The following HEXB variants were observed in gnomAD, a reference collection of about 807,000 sequenced individuals.
HEXB encodes the protein hexosaminidase subunit beta.
HEXB carries 51 observed loss-of-function variants against 71.2 expected under a neutral mutation model. The observed-to-expected ratio is 0.72, with a 90% CI of 0.57 to 0.90. The LOEUF is 0.90. Ranked by LOEUF, HEXB falls within the 40% of genes least tolerant of loss-of-function variation. The probability of loss-of-function intolerance (pLI) is 0.00; values close to 1 mark genes in which losing one functional copy is unlikely to be tolerated. For missense variants in HEXB, 617 were observed against 677.0 expected, an observed-to-expected ratio of 0.91 and a Z score of 0.98; for synonymous variants, 266 against 249.3, an observed-to-expected ratio of 1.07 and a Z score of -0.63.
rs572027351 is a variant in HEXB at position 74,702,063 on chromosome 5, T to G, written c.670-3156T>G. Among the ~76,000 whole-genome samples, 554 of 138,880 alleles carry G rather than the reference T, an allele frequency of 4.0e-3. 10 individuals carry two copies. The highest frequency in any genetic ancestry group is 0.014 in the African/African-American group (527 of 37,678). The allele number at this position is 138,880 out of a possible 152,430, so 91.1% of individuals were successfully genotyped here. The stretch of plus-strand genomic sequence containing the variant: ...TTAATCTGCAACTGACTATCTTTCC[T>G]TGTCTTTTTTTTTTTTTTTTTTTTT... On this transcript the variant is annotated intron_variant, in intron 5 of 13. Transcript: ENST00000261416.
intron 1 of HEXB, among the ~76,000 whole-genome samples, chr5:74,643,511 C>T (rs932175714): frequency 3.3e-5 from 5 of 152,182 alleles, no homozygotes; most frequent in Admixed American, 2.0e-4. Context: ...GTCCTGTAGG[C>T]CCTTGGGAGC....
chr5:74,677,487 CTTCTTTTTTTTT>C (rs1748653940), intron 1 of HEXB, among the ~76,000 whole-genome samples: 1 of 129,972 alleles, frequency 7.7e-6, no homozygotes, highest in Non-Finnish European at 1.6e-5. Context: ...TTTTCTTCTT[CTTCTTTTTTTTT>C]TTTTTTTTTT....
At chr5:74,682,531 C>G (rs968117680), upstream of HEXB, among the ~76,000 whole-genome samples, 5 of 152,214 alleles carry the variant, frequency 3.3e-5, no homozygotes, top group African/African-American at 1.2e-4. Context: ...TATTATTTAT[C>G]TGTTGTTGTT....
chr5:74,680,139 G>A (rs1322457953), intron 1 of HEXB, among the ~76,000 whole-genome samples: 1 of 152,166 alleles, frequency 6.6e-6, no homozygotes, highest in Non-Finnish European at 1.5e-5. Context: ...TGAACTGAAA[G>A]GGATACTATC....
At chr5:74,718,428 G>A (rs1035843401) in intron 10 of HEXB, 65 bp downstream of exon 10, 22 of 1,230,138 alleles carry the variant, frequency 1.8e-5, no homozygotes, top group Non-Finnish European at 2.5e-5. Context: ...TGGGGCAACT[G>A]GGAATTTGCA....
intron 5 of HEXB, among the ~76,000 whole-genome samples, chr5:74,698,875 A>G (rs1446753231): frequency 6.6e-6 from 1 of 151,964 alleles, no homozygotes; most frequent in African/African-American, 2.4e-5. Context: ...TACTTGTCTC[A>G]TTTTAGACTT....
At chr5:74,678,133 C>T (rs541422785) in intron 1 of HEXB, among the ~76,000 whole-genome samples, 1 of 151,920 alleles carries the variant, frequency 6.6e-6, no homozygotes, top group South Asian at 2.1e-4. Context: ...CCCGTCTTTA[C>T]TAAAAATACA....
intron 5 of HEXB, among the ~76,000 whole-genome samples, chr5:74,698,783 G>A (rs1431711816): frequency 6.6e-6 from 1 of 152,176 alleles, no homozygotes; most frequent in African/African-American, 2.4e-5. Context: ...AGTGTAAAAA[G>A]TTTAAACAAT....
intron 1 of HEXB, among the ~76,000 whole-genome samples, chr5:74,661,887 G>C (rs895714147): frequency 3.9e-5 from 6 of 152,172 alleles, no homozygotes; most frequent in Non-Finnish European, 8.8e-5. Flanking sequence ...CAGGAGTCTT[G>C]AGCAGCCTGG....
Position 74,699,289 on chromosome 5 carries a change from T to A in HEXB, c.669+2183T>A, listed in dbSNP as rs533596434. 3.6e-4 allele frequency among the ~76,000 whole-genome samples: 55 copies of A among 152,192 alleles called. No homozygotes were observed. The South Asian group carries it at 9.6e-3, about 27-fold the overall frequency. ...CCCCCCACCCCCTTTTTTTTCTTTT[T>A]GTGAGACAGAGTCTCGCTGTGTTAC... On this transcript the variant is annotated intron_variant, in intron 5 of 13. Coordinates refer to ENST00000261416, the MANE Select transcript of HEXB (RefSeq NM_000521.4).
intron 10 of HEXB, 62 bp from the exon 11 acceptor site, chr5:74,718,735 C>T (rs1326133437): frequency 4.7e-6 from 7 of 1,490,426 alleles, no homozygotes; most frequent in Non-Finnish European, 5.6e-6. Flanking sequence ...ATGCCTTAAA[C>T]TTTCAATTTC....
intron 1 of HEXB, among the ~76,000 whole-genome samples, chr5:74,656,972 G>C (rs574430245): frequency 6.6e-6 from 1 of 152,022 alleles, no homozygotes; most frequent in Non-Finnish European, 1.5e-5. Flanking sequence ...CTGCTGCTTC[G>C]TTGGCTGTGC....
At chr5:74,650,786 C>T (rs1748089276) in intron 1 of HEXB, among the ~76,000 whole-genome samples, 3 of 149,610 alleles carry the variant, frequency 2.0e-5, no homozygotes, top group Non-Finnish European at 4.4e-5. Flanking sequence ...ATTAGCTGGG[C>T]GTGGTGGTGG....
intron 1 of HEXB, among the ~76,000 whole-genome samples, chr5:74,651,559 T>C (rs1748110864): frequency 6.6e-6 from 1 of 152,178 alleles, no homozygotes; most frequent in Non-Finnish European, 1.5e-5. Flanking sequence ...ATATTTTGCT[T>C]AATCAGTTTC....
rs1749121759 is a variant in HEXB, at chr5:74,696,757, A to G, written c.558+18A>G. On this transcript the variant is annotated intron_variant, in intron 4 of 13. Coordinates refer to ENST00000261416, the MANE Select transcript of HEXB (RefSeq NM_000521.4). The stretch of plus-strand genomic sequence containing the variant: ...ATGGAACTGTAAGTATGATTATTAT[A>G]TGTTACTAAAAATTGTTAGACAAAT... The G allele has an allele frequency of 7.8e-7, 1 of 1,284,650 alleles. No individual in the cohort carries two copies. The highest frequency in any genetic ancestry group is 1.7e-5 in the Admixed American group (1 of 58,984). 79.6% of individuals were successfully genotyped at this position (1,284,650 alleles called of 1,614,324 possible). A position where few individuals can be genotyped will look rare whatever the true frequency, so the allele number is the denominator to read the frequency against.
intron 10 of HEXB, 123 bp from the exon 11 acceptor site, chr5:74,718,674 G>T: frequency 9.8e-7 from 1 of 1,023,216 alleles, no homozygotes; most frequent in Non-Finnish European, 1.5e-6. Context: ...AGAGGAAAAA[G>T]AAAATGCAGA....
rs188570368 is a variant in HEXB at position 74,714,110 on chromosome 5, T to C, written c.901+475T>C. Reference sequence around the variant, plus strand: ...TCGGCCTCCCAAAGTGTTGGGATTATAGGCGTGAGCCACTGCGCCTGGCCA... The same window carrying C: ...TCGGCCTCCCAAAGTGTTGGGATTACAGGCGTGAGCCACTGCGCCTGGCCA... On this transcript the variant is annotated intron_variant, in intron 7 of 13. Transcript: ENST00000261416. 2.6e-5 allele frequency among the ~76,000 whole-genome samples: 4 copies of C among 152,336 alleles called. No homozygotes were observed. The East Asian group carries it at 7.7e-4, about 29-fold the overall frequency.
chr5:74,721,128 G>A lies in HEXB; in HGVS notation c.1624G>A (p.Ala542Thr), dbSNP rs762159332. The A allele has an allele frequency of 6.2e-7, 1 of 1,612,408 alleles. No individual in the cohort carries two copies. Among genetic ancestry groups the A allele is most frequent in the Non-Finnish European group, 8.5e-7 (1 of 1,178,612 alleles). Residue 542 changes from alanine (A) to threonine (T), a missense_variant, in exon 14 of 14, where the codon GCT becomes ACT. Ala to Thr is a moderately conservative substitution (Grantham distance 58). Coordinates refer to ENST00000261416, the MANE Select transcript of HEXB (RefSeq NM_000521.4). The part of the protein sequence containing the change: ...HRCRMVERGI[A>T]AQPLYAGYCN... ...TCATGTTATCTACAGACGTGGAATA[G>A]CTGCACAACCTCTTTATGCTGGATA...
At chr5:74,684,099 G>A (rs1345498965), upstream of HEXB, among the ~76,000 whole-genome samples, 2 of 152,186 alleles carry the variant, frequency 1.3e-5, no homozygotes, top group East Asian at 3.9e-4. Flanking sequence ...GATTTCAGGC[G>A]TGAGCCGCCG....
Sources: gnomAD v4.1 joint callset for allele counts (sites outside exome capture counted in the v4.1 genomes callset) on GRCh38, gnomAD v4.1.1 for gene constraint, MANE v1.5 for transcripts, NCBI Gene and HGNC (gene_info 2026-07-23, HGNC 2026-07-21) for gene names.